Variants in FOXN3 observed in about 807,000 individuals in gnomAD.
FOXN3 encodes the protein forkhead box protein N3.
A neutral mutation model predicts 38.4 loss-of-function variants in FOXN3; 7 were observed. The observed-to-expected ratio is 0.18, with a 90% CI of 0.10 to 0.34. FOXN3 has a LOEUF of 0.34. FOXN3 is among the 10% of genes least tolerant of loss of function. The pLI is 1.00. For missense variants in FOXN3, 456 were observed against 613.4 expected (o/e 0.74, Z 2.71); for synonymous variants, 230 against 242.2 (o/e 0.95, Z 0.47).
intron 1 of FOXN3, among the ~76,000 whole-genome samples, chr14:89,534,000 A>C (rs1377906071): frequency 1.3e-5 from 2 of 151,088 alleles, no homozygotes; most frequent in African/African-American, 2.4e-5. Flanking sequence ...GGTAAGTGTC[A>C]CCTTGTTAAT....
chr14:89,257,790 T>A (rs781226576), intron 4 of FOXN3, among the ~76,000 whole-genome samples: 21 of 152,202 alleles, frequency 1.4e-4, no homozygotes, highest in Admixed American at 1.0e-3. Flanking sequence ...CTTTGGCTAA[T>A]GTCCATTTAA....
chr14:89,300,686 A>G (rs780964419), intron 3 of FOXN3, among the ~76,000 whole-genome samples: 3 of 152,254 alleles, frequency 2.0e-5, no homozygotes, highest in Non-Finnish European at 2.9e-5. Context: ...GATTTTGGAA[A>G]GCTGATGACA....
intron 3 of FOXN3, among the ~76,000 whole-genome samples, chr14:89,283,328 CCT>C (rs1420863896): frequency 6.6e-5 from 10 of 152,264 alleles, no homozygotes; most frequent in Admixed American, 2.0e-4. Flanking sequence ...GCTCCAAACT[CCT>C]CTGACTCTAT....
chr14:89,407,384 A>G (rs895851990), intron 2 of FOXN3, among the ~76,000 whole-genome samples: 2 of 152,250 alleles, frequency 1.3e-5, no homozygotes, highest in Non-Finnish European at 2.9e-5. Context: ...CATTTTGTAA[A>G]CAGGGATATC....
At chr14:89,192,794 TATATATAA>T (rs2139810349) in intron 4 of FOXN3, among the ~76,000 whole-genome samples, 1 of 147,072 alleles carries the variant, frequency 6.8e-6, no homozygotes, top group South Asian at 2.1e-4. Flanking sequence ...ATATATTTAA[TATATATAA>T]ATATATAAGA....
chr14:89,396,563 G>A (rs1164080668), intron 2 of FOXN3, among the ~76,000 whole-genome samples: 2 of 152,296 alleles, frequency 1.3e-5, no homozygotes, highest in East Asian at 1.9e-4. Flanking sequence ...GGCTGGGCAC[G>A]GTGGCTCATG....
At chr14:89,529,574 T>C (rs1206035066) in intron 1 of FOXN3, among the ~76,000 whole-genome samples, 2 of 152,244 alleles carry the variant, frequency 1.3e-5, no homozygotes, top group African/African-American at 4.8e-5. Flanking sequence ...AAGGAAGCAG[T>C]GCCTAAGAAT....
chr14:89,380,415 C>T (rs1408025384), intron 2 of FOXN3, among the ~76,000 whole-genome samples: 1 of 152,194 alleles, frequency 6.6e-6, no homozygotes, highest in Non-Finnish European at 1.5e-5. Context: ...ACACAAAGTC[C>T]TATTTCACAG....
intron 4 of FOXN3, among the ~76,000 whole-genome samples, chr14:89,191,061 T>C (rs961391677): frequency 6.6e-6 from 1 of 152,208 alleles, no homozygotes; most frequent in African/African-American, 2.4e-5. Context: ...TCCACTTCTA[T>C]TATTGCTTTT....
intron 4 of FOXN3, among the ~76,000 whole-genome samples, chr14:89,260,715 C>T (rs762099717): frequency 5.9e-5 from 9 of 152,218 alleles, no homozygotes; most frequent in Non-Finnish European, 1.3e-4. Context: ...TCCCTACCCC[C>T]TAATATTTAA....
At chr14:89,461,168 T>C (rs1892840218) in intron 1 of FOXN3, among the ~76,000 whole-genome samples, 1 of 151,292 alleles carries the variant, frequency 6.6e-6, no homozygotes, top group African/African-American at 2.4e-5. Flanking sequence ...AAACCCCATC[T>C]CTACTAAAAA....
At chr14:89,607,189 G>A (rs1451622423) in intron 1 of FOXN3, among the ~76,000 whole-genome samples, 1 of 152,164 alleles carries the variant, frequency 6.6e-6, no homozygotes, top group Non-Finnish European at 1.5e-5. Flanking sequence ...TTAAGATGCT[G>A]GAGAGCAGTG....
chr14:89,211,939 A>T (rs1396111381), intron 4 of FOXN3, among the ~76,000 whole-genome samples: 2 of 152,176 alleles, frequency 1.3e-5, no homozygotes, highest in African/African-American at 4.8e-5. Flanking sequence ...GAGGTGATAG[A>T]GTTAGAGGAG....
intron 2 of FOXN3, among the ~76,000 whole-genome samples, chr14:89,402,983 C>CA: frequency 6.6e-6 from 1 of 152,286 alleles, no homozygotes; most frequent in African/African-American, 2.4e-5. Flanking sequence ...AAGGAATATT[C>CA]AAAACTCGCC....
At chr14:89,444,523 T>G (rs1217184526) in intron 1 of FOXN3, among the ~76,000 whole-genome samples, 1 of 152,086 alleles carries the variant, frequency 6.6e-6, no homozygotes, top group Non-Finnish European at 1.5e-5. Context: ...TGATTTCTAA[T>G]CACAAGTAGG....
intron 1 of FOXN3, among the ~76,000 whole-genome samples, chr14:89,560,211 C>T (rs1353120641): frequency 6.6e-6 from 1 of 152,130 alleles, no homozygotes; most frequent in East Asian, 1.9e-4. Flanking sequence ...ATGAGAACTG[C>T]AAGAGGGAAA....
intron 1 of FOXN3, among the ~76,000 whole-genome samples, chr14:89,516,516 A>C (rs1310900961): frequency 6.6e-6 from 1 of 151,626 alleles, no homozygotes; most frequent in Admixed American, 6.6e-5. Context: ...TTCTCAGCAC[A>C]TGCAAAGTTC....
At position 89,156,257 on chromosome 14, in the gene FOXN3, G is replaced by A. The variant is rs530298313; in HGVS notation, c.*6157C>T. On this transcript the variant is annotated 3_prime_UTR_variant, in exon 6 of 6. Transcript: ENST00000557258. Reference sequence around the variant, plus strand: ...TCACAGAAACTTTATGGTAGGTCTGGGGAAAAGTGTTATTTACAATAAATG... The same window carrying A: ...TCACAGAAACTTTATGGTAGGTCTGAGGAAAAGTGTTATTTACAATAAATG... 6 of 152,690 alleles carry A rather than the reference G, an allele frequency of 3.9e-5. 1 individual carries two copies. The highest frequency in any genetic ancestry group is 1.2e-4 in the African/African-American group (5 of 41,536). 9.5% of individuals were successfully genotyped at this position (152,690 alleles called of 1,614,324 possible). A position where few individuals can be genotyped will look rare whatever the true frequency, so the allele number is the denominator to read the frequency against.
At chr14:89,522,083 T>C (rs1894332085) in intron 1 of FOXN3, among the ~76,000 whole-genome samples, 1 of 150,236 alleles carries the variant, frequency 6.7e-6, no homozygotes, top group Non-Finnish European at 1.5e-5. Context: ...TTTCTCATCA[T>C]AAACAATACA....
Sources: allele counts gnomAD v4.1 joint callset (sites outside exome capture counted in the v4.1 genomes callset), GRCh38; gene constraint gnomAD v4.1.1; transcripts MANE v1.5; gene names NCBI Gene and HGNC (gene_info 2026-07-23, HGNC 2026-07-21).